The following FER variants were observed in gnomAD, a reference collection of about 807,000 sequenced individuals.
FER encodes tyrosine-protein kinase Fer.
In FER, 63 loss-of-function variants were observed where a neutral mutation model predicts 111.0. That is an observed-to-expected ratio of 0.57 (90% CI 0.46 to 0.70). The LOEUF (loss-of-function observed/expected upper bound fraction) is 0.70. FER is among the 30% of genes least tolerant of loss of function. FER has a pLI of 0.00. For missense variants in FER, 914 were observed against 954.0 expected (o/e 0.96, Z 0.55); for synonymous variants, 327 against 313.9 (o/e 1.04, Z -0.44).
chr5:108,841,149 G>A (rs1247727347), intron 5 of FER, among the ~76,000 whole-genome samples: 1 of 152,178 alleles, frequency 6.6e-6, no homozygotes, highest in Admixed American at 6.5e-5. Context: ...CCAAAGTCAT[G>A]AACCCTTTAA....
intron 10 of FER, among the ~76,000 whole-genome samples, chr5:108,940,066 A>G (rs961289184): frequency 2.0e-5 from 3 of 152,110 alleles, no homozygotes; most frequent in African/African-American, 4.8e-5. Flanking sequence ...ACTCATCAAT[A>G]AAGGAAAACA....
intron 17 of FER, among the ~76,000 whole-genome samples, chr5:109,111,112 A>C (rs1017392263): frequency 2.6e-5 from 4 of 152,182 alleles, no homozygotes; most frequent in African/African-American, 9.7e-5. Flanking sequence ...TACTTTGTTA[A>C]TAGTATCCTA....
At chr5:108,987,488 G>C (rs1048365599) in intron 13 of FER, among the ~76,000 whole-genome samples, 1 of 152,118 alleles carries the variant, frequency 6.6e-6, no homozygotes, top group African/African-American at 2.4e-5. Flanking sequence ...AAATCTTGTA[G>C]AGGTCTTTCA....
Position 108,867,571 on chromosome 5 carries a change from A to G in FER, c.482-196A>G, listed in dbSNP as rs549246371. Among the ~76,000 whole-genome samples the G allele has an allele frequency of 4.6e-5, 7 of 151,248 alleles. No homozygotes were observed. In the East Asian group the frequency reaches 1.4e-3, roughly 29 times the overall value. On this transcript the variant is annotated intron_variant, in intron 5 of 19. Transcript: ENST00000281092. ...TAGTATCCTACATGCCTCCTTGGCA[A>G]CCTTTGTGTTAAGGATTTGCAAATC...
intron 16 of FER, among the ~76,000 whole-genome samples, chr5:109,060,351 A>G (rs1045692830): frequency 6.6e-6 from 1 of 151,998 alleles, no homozygotes; most frequent in Admixed American, 6.6e-5. Flanking sequence ...CTGAAAGCTT[A>G]CTTAGCTCAG....
chr5:108,848,190 C>G (rs1762208692), intron 5 of FER, among the ~76,000 whole-genome samples: 1 of 152,142 alleles, frequency 6.6e-6, no homozygotes, highest in African/African-American at 2.4e-5. Context: ...TATCTATATT[C>G]TTTTTTCATA....
At chr5:109,105,183 A>C (rs1322712543) in intron 17 of FER, among the ~76,000 whole-genome samples, 1 of 151,216 alleles carries the variant, frequency 6.6e-6, no homozygotes, top group East Asian at 1.9e-4. Flanking sequence ...AGGATTACCT[A>C]TGTGTACTTT....
intron 13 of FER, among the ~76,000 whole-genome samples, chr5:108,992,030 G>A (rs966413789): frequency 2.8e-4 from 43 of 152,194 alleles, no homozygotes; most frequent in Admixed American, 9.2e-4. Context: ...GCGGCCTTCC[G>A]CAGTGTTTGT....
intron 5 of FER, 56 bp from the exon 6 acceptor site, chr5:108,867,711 A>T: frequency 6.6e-7 from 1 of 1,504,416 alleles, no homozygotes; most frequent in Non-Finnish European, 9.0e-7. Flanking sequence ...TGTAGTGAAG[A>T]TACAATTTTT....
intron 3 of FER, among the ~76,000 whole-genome samples, chr5:108,802,014 A>G (rs1190850654): frequency 6.6e-6 from 1 of 152,208 alleles, no homozygotes. Context: ...TAGGTATTTC[A>G]TCATACTACT....
At chr5:109,021,561 A>AT (rs1767927106) in intron 13 of FER, among the ~76,000 whole-genome samples, 1 of 151,958 alleles carries the variant, frequency 6.6e-6, no homozygotes. Context: ...TTCTTCACCA[A>AT]TTTTTTCTTA....
At chr5:108,892,489 C>T (rs899107159) in intron 9 of FER, among the ~76,000 whole-genome samples, 1 of 152,064 alleles carries the variant, frequency 6.6e-6, no homozygotes, top group Non-Finnish European at 1.5e-5. Context: ...CTGTTCATAT[C>T]CTTCACCCCC....
At chr5:108,916,223 CAT>C (rs1439057787) in intron 10 of FER, among the ~76,000 whole-genome samples, 2 of 152,124 alleles carry the variant, frequency 1.3e-5, no homozygotes, top group Non-Finnish European at 2.9e-5. Flanking sequence ...TAAAATCTAA[CAT>C]ATGGATCCAA....
rs2150131988 is a variant in FER at position 108,832,681 on chromosome 5, A to G, written c.208-89A>G. On this transcript the variant is annotated intron_variant, in intron 3 of 19. Coordinates refer to ENST00000281092, the MANE Select transcript of FER (RefSeq NM_005246.4). Reference sequence around the variant, plus strand: ...ATATTAATGTAATAATTTACATAAAACTAAATATTTAAAGTTTTGAACTCT... The same window carrying G: ...ATATTAATGTAATAATTTACATAAAGCTAAATATTTAAAGTTTTGAACTCT... 4.5e-6 allele frequency: 4 copies of G among 897,060 alleles called. No individual in the cohort carries two copies. In the East Asian group the frequency reaches 1.3e-4, roughly 29 times the overall value. 55.6% of individuals were successfully genotyped at this position (897,060 alleles called of 1,614,324 possible).
At chr5:109,132,244 G>A (rs553837710) in intron 17 of FER, among the ~76,000 whole-genome samples, 18 of 152,162 alleles carry the variant, frequency 1.2e-4, no homozygotes, top group Non-Finnish European at 2.1e-4. Context: ...ATTATGGGCT[G>A]TGATTTCTCA....
At chr5:108,883,744 A>T (rs1017483164) in intron 9 of FER, among the ~76,000 whole-genome samples, 1 of 151,990 alleles carries the variant, frequency 6.6e-6, no homozygotes, top group East Asian at 1.9e-4. Context: ...TAAATATAGC[A>T]TTCTGATCAT....
chr5:108,952,216 T>C (rs1757849091), intron 11 of FER, among the ~76,000 whole-genome samples: 1 of 152,134 alleles, frequency 6.6e-6, no homozygotes, highest in Admixed American at 6.6e-5. Context: ...AAAAACCCTG[T>C]CTATTGAGGC....
chr5:108,811,932 A>T (rs183214255), intron 3 of FER, among the ~76,000 whole-genome samples: 29 of 152,160 alleles, frequency 1.9e-4, no homozygotes, highest in African/African-American at 5.5e-4. Context: ...CTTCTGGTGG[A>T]TCTTCTTTAC....
intron 17 of FER, among the ~76,000 whole-genome samples, chr5:109,142,718 G>A (rs934441901): frequency 1.3e-5 from 2 of 150,418 alleles, no homozygotes; most frequent in Non-Finnish European, 3.0e-5. Context: ...AACAGAAGAG[G>A]ACAAACAAAG....
Sources: gnomAD v4.1 joint callset for allele counts (sites outside exome capture counted in the v4.1 genomes callset) on GRCh38, gnomAD v4.1.1 for gene constraint, MANE v1.5 for transcripts, NCBI Gene and HGNC (gene_info 2026-07-23, HGNC 2026-07-21) for gene names.